PCCA: variants seen among roughly 807,000 people sequenced by gnomAD.
PCCA encodes propionyl-CoA carboxylase subunit alpha.
PCCA carries 74 observed loss-of-function variants against 101.3 expected under a neutral mutation model. The ratio of observed to expected loss-of-function variants is 0.73; its 90% CI spans 0.61 to 0.89. The LOEUF is 0.89. Among genes scored for constraint, PCCA ranks in the 40% least tolerant of loss-of-function variants. The pLI, the probability that PCCA is intolerant of heterozygous loss-of-function variation, is 0.00. For synonymous variants in PCCA, 294 were observed against 313.6 expected, an observed-to-expected ratio of 0.94 and a Z score of 0.66; for missense variants, 891 against 907.0, an observed-to-expected ratio of 0.98 and a Z score of 0.23.
intron 23 of PCCA, 53 bp downstream of exon 23, chr13:100,527,805 C>T (rs2153008431): frequency 2.3e-6 from 3 of 1,310,678 alleles, no homozygotes; most frequent in East Asian, 4.6e-5. Context: ...GGAGGAACGC[C>T]CACCTTTGAA....
intron 19 of PCCA, among the ~76,000 whole-genome samples, chr13:100,383,967 G>A (rs1413196776): frequency 6.6e-6 from 1 of 151,266 alleles, no homozygotes; most frequent in Non-Finnish European, 1.5e-5. Context: ...TGGATTTCTT[G>A]ACTAAGAAAA....
chr13:100,423,980 G>A (rs1225242645), intron 19 of PCCA, among the ~76,000 whole-genome samples: 1 of 152,208 alleles, frequency 6.6e-6, no homozygotes, highest in East Asian at 1.9e-4. Context: ...GGCTTCTCCT[G>A]TCCTTAGACC....
At chr13:100,345,784 G>C (rs566249542) in intron 18 of PCCA, among the ~76,000 whole-genome samples, 1 of 152,056 alleles carries the variant, frequency 6.6e-6, no homozygotes, top group East Asian at 1.9e-4. Flanking sequence ...CTCTTGGTAG[G>C]GGCTAATGCA....
At chr13:100,125,135 T>TTGTGTG (rs3034643) in intron 4 of PCCA, among the ~76,000 whole-genome samples, 16,531 of 149,024 alleles carry the variant, frequency 0.11, 981 homozygotes, top group Middle Eastern at 0.18. Context: ...GACCTTTTAT[T>TTGTGTG]TGTGTGTGTG....
At chr13:100,426,642 C>G (rs930323173) in intron 20 of PCCA, among the ~76,000 whole-genome samples, 4 of 152,140 alleles carry the variant, frequency 2.6e-5, no homozygotes, top group Admixed American at 2.0e-4. Flanking sequence ...AAGTCAGTTT[C>G]AATTGATATA....
At chr13:100,365,482 G>A (rs959448289) in intron 18 of PCCA, among the ~76,000 whole-genome samples, 3 of 152,302 alleles carry the variant, frequency 2.0e-5, no homozygotes, top group East Asian at 1.9e-4. Flanking sequence ...GACTTGTTAC[G>A]TGATAGAAGA....
At chr13:100,293,742 G>T (rs1021559572) in intron 12 of PCCA, among the ~76,000 whole-genome samples, 1 of 152,114 alleles carries the variant, frequency 6.6e-6, no homozygotes, top group Non-Finnish European at 1.5e-5. Context: ...GGCATGTTTT[G>T]TTCTGGGAAA....
rs7316979 is a variant in PCCA at position 100,152,711 on chromosome 13, G to A, written c.301-2268G>A. 2.0e-3 allele frequency among the ~76,000 whole-genome samples: 311 copies of A among 152,286 alleles called. 1 individual carries two copies. Among genetic ancestry groups the A allele is most frequent in the African/African-American group, 7.1e-3 (295 of 41,550 alleles). On this transcript the variant is annotated intron_variant, in intron 4 of 23. Coordinates refer to ENST00000376285, the MANE Select transcript of PCCA (RefSeq NM_000282.4). ...TCCGCCCACCTCAGCCTCCCAAAGT[G>A]CTGGGATTACAGGCATGAGCCACCG...
chr13:100,201,583 G>GT (rs1173807096), intron 6 of PCCA, among the ~76,000 whole-genome samples: 1 of 152,102 alleles, frequency 6.6e-6, no homozygotes. Flanking sequence ...GTGAGGCTAG[G>GT]TGTGGTGGCT....
At chr13:100,251,939 TC>T (rs1203569984) in intron 8 of PCCA, among the ~76,000 whole-genome samples, 5 of 152,064 alleles carry the variant, frequency 3.3e-5, no homozygotes, top group Admixed American at 3.3e-4. Context: ...CATGAAGAAC[TC>T]CCCCCGCCAT....
At chr13:100,232,441 C>T (rs1407634457) in intron 7 of PCCA, among the ~76,000 whole-genome samples, 6 of 150,878 alleles carry the variant, frequency 4.0e-5, no homozygotes, top group African/African-American at 9.8e-5. Flanking sequence ...AGTGCAGTGG[C>T]GCCATCATGG....
intron 18 of PCCA, 59 bp downstream of exon 18, chr13:100,340,318 A>G: frequency 2.3e-6 from 2 of 888,858 alleles, no homozygotes; most frequent in Non-Finnish European, 3.8e-6. Flanking sequence ...AATCCAGTCT[A>G]CATAGGAAAT....
At chr13:100,294,580 T>G (rs1051891123) in intron 12 of PCCA, among the ~76,000 whole-genome samples, 1 of 152,202 alleles carries the variant, frequency 6.6e-6, no homozygotes, top group African/African-American at 2.4e-5. Context: ...ATTCTAAACA[T>G]TCTGATTTCA....
chr13:100,129,163 A>G (rs2050248123), intron 4 of PCCA, among the ~76,000 whole-genome samples: 1 of 152,106 alleles, frequency 6.6e-6, no homozygotes, highest in South Asian at 2.1e-4. Context: ...TTCATTTCTC[A>G]TTTCCAATTT....
At chr13:100,496,714 A>C (rs2085302745) in intron 21 of PCCA, among the ~76,000 whole-genome samples, 1 of 152,190 alleles carries the variant, frequency 6.6e-6, no homozygotes, top group Non-Finnish European at 1.5e-5. Context: ...GTGAGTGTTA[A>C]ACAGACAGCC....
At chr13:100,191,421 T>C (rs1292084913) in intron 6 of PCCA, among the ~76,000 whole-genome samples, 2 of 152,196 alleles carry the variant, frequency 1.3e-5, no homozygotes, top group Admixed American at 1.3e-4. Flanking sequence ...TTCACACTTG[T>C]GTCGCAGCTT....
intron 7 of PCCA, among the ~76,000 whole-genome samples, chr13:100,227,366 C>T (rs2060204301): frequency 6.6e-6 from 1 of 152,184 alleles, no homozygotes; most frequent in South Asian, 2.1e-4. Flanking sequence ...GAAAAGGCAC[C>T]AGATTTTTGT....
chr13:100,348,819 T>TTCCTTCCTTC lies in PCCA; in HGVS notation c.1643+8560_1643+8561insTCCTTCCTTC, dbSNP rs1258776476. Among the ~76,000 whole-genome samples, 290 of 53,400 alleles carry TTCCTTCCTTC rather than the reference T, an allele frequency of 5.4e-3. 12 individuals are homozygous for TTCCTTCCTTC. The highest frequency in any genetic ancestry group is 7.3e-3 in the South Asian group (14 of 1,914). 35.0% of individuals were successfully genotyped at this position (53,400 alleles called of 152,430 possible). A position where few individuals can be genotyped will look rare whatever the true frequency, so the allele number is the denominator to read the frequency against. On this transcript the variant is annotated intron_variant, in intron 18 of 23. Coordinates refer to ENST00000376285, the MANE Select transcript of PCCA (RefSeq NM_000282.4). ...TCCTTCCTTCCTTCCTTCCTTCCTT[T>TTCCTTCCTTC]CTTTCTTTTCTCTCTCTTTTTCTCT...
chr13:100,404,511 A>T (rs2077555773), intron 19 of PCCA, among the ~76,000 whole-genome samples: 1 of 152,184 alleles, frequency 6.6e-6, no homozygotes, highest in Admixed American at 6.5e-5. Flanking sequence ...TCCCGGATGC[A>T]TTCAAAAGGC....
Sources: allele counts gnomAD v4.1 joint callset (sites outside exome capture counted in the v4.1 genomes callset), GRCh38; gene constraint gnomAD v4.1.1; transcripts MANE v1.5; gene names NCBI Gene and HGNC (gene_info 2026-07-23, HGNC 2026-07-21).